The following ERICH5 variants were observed in gnomAD, a reference collection of about 807,000 sequenced individuals.
The protein encoded by ERICH5 is glutamate rich 5, also known as glutamate-rich protein 5.
Under a neutral mutation model 28.0 loss-of-function variants are expected in ERICH5, and 24 were observed. That is an observed-to-expected ratio of 0.86 (90% confidence interval 0.62 to 1.21). ERICH5 has a LOEUF of 1.21. Among genes scored for constraint, ERICH5 ranks in the 50% most tolerant of loss-of-function variants. The probability of loss-of-function intolerance (pLI) is 0.00; values close to 1 mark genes in which losing one functional copy is unlikely to be tolerated. For synonymous variants in ERICH5, 163 were observed against 157.6 expected (o/e 1.03, Z -0.25); for missense variants, 421 against 441.2 (o/e 0.95, Z 0.41).
intron 1 of ERICH5, among the ~76,000 whole-genome samples, chr8:98,082,414 G>A: frequency 6.6e-6 from 1 of 152,284 alleles, no homozygotes; most frequent in South Asian, 2.1e-4. Flanking sequence ...AGGAGGTGGA[G>A]GTGGGTGGAT....
intron 1 of ERICH5, among the ~76,000 whole-genome samples, chr8:98,079,391 G>A (rs1227664375): frequency 6.6e-6 from 1 of 151,960 alleles, no homozygotes; most frequent in African/African-American, 2.4e-5. Context: ...CTTGCCTGTA[G>A]TATGCACTTG....
chr8:98,067,619 CT>C lies in ERICH5; in HGVS notation c.58+2905del, dbSNP rs1387975942. Among the ~76,000 whole-genome samples, 1,179 of 145,592 alleles carry C rather than the reference CT, an allele frequency of 8.1e-3. 18 individuals are homozygous for C. The highest frequency in any genetic ancestry group is 0.035 in the Middle Eastern group (10 of 282). On this transcript the variant is annotated intron_variant, in intron 1 of 2. Coordinates refer to ENST00000318528, the MANE Select transcript of ERICH5 (RefSeq NM_173549.3). ...ACAATCAACAAATTATACTATGTAT[CT>C]TTTTTTTTTTTTGAGACGGCATTTC...
At chr8:98,075,848 CAA>C (rs928215508) in intron 1 of ERICH5, among the ~76,000 whole-genome samples, 2 of 128,656 alleles carry the variant, frequency 1.6e-5, no homozygotes, top group African/African-American at 5.7e-5. Flanking sequence ...CTCCTGGGCT[CAA>C]GTTATTCACC....
At chr8:98,066,302 T>C (rs779752036) in intron 1 of ERICH5, among the ~76,000 whole-genome samples, 2 of 152,220 alleles carry the variant, frequency 1.3e-5, no homozygotes, top group Non-Finnish European at 2.9e-5. Context: ...TTCAGGAAGA[T>C]ACATTTTATT....
At chr8:98,087,578 T>TC (rs1257163239) in intron 1 of ERICH5, among the ~76,000 whole-genome samples, 3 of 152,096 alleles carry the variant, frequency 2.0e-5, no homozygotes, top group African/African-American at 7.2e-5. Context: ...CCAGCTTTCC[T>TC]CCCCCATCAT....
chr8:98,075,503 A>G (rs1023919911), intron 1 of ERICH5, among the ~76,000 whole-genome samples: 1 of 152,106 alleles, frequency 6.6e-6, no homozygotes, highest in African/African-American at 2.4e-5. Flanking sequence ...AATGTGATCT[A>G]TTATGTTTCC....
intron 1 of ERICH5, among the ~76,000 whole-genome samples, chr8:98,086,836 A>C (rs1046141172): frequency 2.4e-4 from 36 of 151,882 alleles, no homozygotes; most frequent in African/African-American, 8.7e-4. Context: ...CTGTAGTCCC[A>C]GCTACTCGGG....
intron 1 of ERICH5, among the ~76,000 whole-genome samples, chr8:98,084,919 A>G (rs1195686667): frequency 1.3e-5 from 2 of 151,934 alleles, no homozygotes; most frequent in East Asian, 3.9e-4. Context: ...TGTCTACCCA[A>G]TCCCAGTCTC....
intron 1 of ERICH5, among the ~76,000 whole-genome samples, chr8:98,076,448 A>C (rs1420096082): frequency 6.6e-6 from 1 of 150,546 alleles, no homozygotes; most frequent in Non-Finnish European, 1.5e-5. Flanking sequence ...AAACCCAGCT[A>C]ATTCTGTGAA....
Position 98,089,152 on chromosome 8 carries a change from A to C in ERICH5, c.135A>C (p.Gly45=), listed in dbSNP as rs61729708. ...CCCAACCAAAGCCACATGCACTGGGAAGAGAATCTACTGTTGATGGCAATG... is the reference window on the plus strand; with the variant it reads ...CCCAACCAAAGCCACATGCACTGGGCAGAGAATCTACTGTTGATGGCAATG... ...CFAQPKPHAL[G]RESTVDGNVQ... Residue 45 remains glycine (G), a synonymous_variant, in exon 2 of 3, where the codon GGA becomes GGC. Transcript: ENST00000318528. 678 of 1,614,242 alleles carry C rather than the reference A, an allele frequency of 4.2e-4. 5 individuals carry two copies. In the African/African-American group the frequency reaches 5.6e-3, roughly 13 times the overall value.
rs1815332615 is a variant in ERICH5 at position 98,089,090 on chromosome 8, C to T, written c.73C>T (p.His25Tyr). 6.2e-7 allele frequency: 1 copy of T among 1,600,494 alleles called. No homozygotes were observed. Residue 25 changes from histidine to tyrosine, a missense_variant, in exon 2 of 3, where the codon CAT (histidine) becomes TAT (tyrosine). Transcript: ENST00000318528. The stretch of plus-strand genomic sequence containing the variant: ...AATAACCAAAGTAACTTCAAATGAG[C>T]ATTTTTCAACTGCAGAAGAAAGTGA... ...SRFPSVTSNEHFSTAEESESC... is the reference protein window; with the variant it reads ...SRFPSVTSNEYFSTAEESESC...
intron 2 of ERICH5, among the ~76,000 whole-genome samples, chr8:98,090,600 G>GAA (rs528115216): frequency 5.0e-5 from 4 of 80,022 alleles, no homozygotes; most frequent in Non-Finnish European, 5.2e-5. Context: ...TTGTTCTCCA[G>GAA]AAAAAAAAAA....
chr8:98,075,785 C>CTTTTTT (rs1296283210), intron 1 of ERICH5, among the ~76,000 whole-genome samples: 9 of 81,644 alleles, frequency 1.1e-4, no homozygotes, highest in Admixed American at 1.8e-4. Context: ...GCACACCTGC[C>CTTTTTT]TTTTTTTTTT....
chr8:98,091,900 CCTTTCTTT>C (rs74202034), intron 2 of ERICH5, among the ~76,000 whole-genome samples: 5 of 74,674 alleles, frequency 6.7e-5, no homozygotes, highest in African/African-American at 1.7e-4. Flanking sequence ...TTCTTTCTTT[CCTTTCTTT>C]CTTTCTTTCT....
chr8:98,082,601 C>T (rs1815203279), intron 1 of ERICH5, among the ~76,000 whole-genome samples: 1 of 148,564 alleles, frequency 6.7e-6, no homozygotes, highest in Non-Finnish European at 1.5e-5. Context: ...GCCAAGATCA[C>T]ACCATTGCAC....
At chr8:98,089,042 C>CTTTTCT (rs1248689428) in intron 1 of ERICH5, 34 bp from the exon 2 acceptor site, 2 of 1,497,138 alleles carry the variant, frequency 1.3e-6, no homozygotes, top group African/African-American at 2.8e-5. Context: ...TGTGTTTTCT[C>CTTTTCT]TTTTCTTTTT....
In ERICH5 at chr8:98,089,234, G is replaced by C. The variant is rs780422232; in HGVS notation, c.217G>C (p.Ala73Pro). ...QKLKVSAEPTANGVKPLQEQP... is the reference protein window; with the variant it reads ...QKLKVSAEPTPNGVKPLQEQP... ...GCTCAAGGTTTCAGCAGAGCCTACAGCTAATGGTGTTAAACCCCTCCAAGA... is the reference window on the plus strand; with the variant it reads ...GCTCAAGGTTTCAGCAGAGCCTACACCTAATGGTGTTAAACCCCTCCAAGA... The change falls in exon 2 of 3, where the codon GCT becomes CCT. Residue 73 changes from alanine (A) to proline (P), a missense_variant. Transcript: ENST00000318528. 1 of 1,614,220 alleles carries C rather than the reference G, an allele frequency of 6.2e-7. No individual in the cohort carries two copies. The highest frequency in any genetic ancestry group is 1.1e-5 in the South Asian group (1 of 91,090).
chr8:98,080,254 C>T (rs193175092), intron 1 of ERICH5, among the ~76,000 whole-genome samples: 1 of 151,054 alleles, frequency 6.6e-6, no homozygotes, highest in Admixed American at 6.5e-5. Context: ...CAAACAATAC[C>T]CACATGTTAT....
At chr8:98,083,478 A>G (rs954308962) in intron 1 of ERICH5, among the ~76,000 whole-genome samples, 3 of 152,156 alleles carry the variant, frequency 2.0e-5, no homozygotes, top group East Asian at 3.9e-4. Context: ...CTCAATTCTA[A>G]TTGAGCCCTA....
Sources: allele counts gnomAD v4.1 joint callset (sites outside exome capture counted in the v4.1 genomes callset), GRCh38; gene constraint gnomAD v4.1.1; transcripts MANE v1.5; gene names NCBI Gene and HGNC (gene_info 2026-07-23, HGNC 2026-07-21).